Variants in PCDHA7 observed in about 807,000 individuals in gnomAD.
PCDHA7 encodes the protein protocadherin alpha-7.
In PCDHA7, 37 loss-of-function variants were observed where a neutral mutation model predicts 57.2. That is an observed-to-expected ratio of 0.65 (90% CI 0.50 to 0.85). PCDHA7 has a LOEUF of 0.85. PCDHA7 is among the 40% of genes least tolerant of loss of function. The pLI is 0.00. For missense variants in PCDHA7, 1,188 were observed against 1,241.8 expected, an observed-to-expected ratio of 0.96 and a Z score of 0.65; for synonymous variants, 553 against 558.8, an observed-to-expected ratio of 0.99 and a Z score of 0.15.
At chr5:140,916,550 A>G (rs1355799677) in intron 1 of PCDHA7, among the ~76,000 whole-genome samples, 5 of 152,052 alleles carry the variant, frequency 3.3e-5, no homozygotes, top group Admixed American at 1.3e-4. Flanking sequence ...TGGGTTTTCT[A>G]TTTGTCCAGG....
chr5:140,876,233 A>G, intron 1 of PCDHA7: 1 of 1,614,016 alleles, frequency 6.2e-7, no homozygotes, highest in Non-Finnish European at 8.5e-7. Context: ...TTGTCTGAAA[A>G]TGTCCAAAAC....
In PCDHA7 at chr5:140,834,722, G is replaced by T. The variant is rs1773225539; in HGVS notation, c.339G>T (p.Pro113=). The T allele has an allele frequency of 6.2e-7, 1 of 1,614,146 alleles. No homozygotes were observed. The highest frequency in any genetic ancestry group is 8.5e-7 in the Non-Finnish European group (1 of 1,180,056). ...SIHLEVIVER[P]LQVFHVDVEV... is the part of the protein sequence containing the mutation. ...ACCTGGAGGTGATCGTGGAAAGGCC[G>T]CTGCAGGTTTTCCATGTGGACGTGG... The change falls in exon 1 of 4, where the codon CCG becomes CCT. Residue 113 remains proline (P), a synonymous_variant. Transcript: ENST00000525929.
chr5:140,892,408 G>A (rs1323060042), intron 1 of PCDHA7, among the ~76,000 whole-genome samples: 1 of 152,054 alleles, frequency 6.6e-6, no homozygotes, highest in African/African-American at 2.4e-5. Context: ...TCAAGCTTCA[G>A]GTATTCTAGA....
intron 1 of PCDHA7, chr5:140,870,378 T>C (rs782676295): frequency 1.9e-6 from 3 of 1,614,036 alleles, no homozygotes; most frequent in African/African-American, 1.3e-5. Flanking sequence ...TGGTGGTGAC[T>C]GCGCGGGATG....
In PCDHA7 at chr5:141,011,594, T is replaced by C. The variant is rs2098421156; in HGVS notation, c.*1657T>C. 6.5e-6 allele frequency: 1 copy of C among 153,764 alleles called. No homozygotes were observed. Among genetic ancestry groups the C allele is most frequent in the East Asian group, 1.9e-4 (1 of 5,202 alleles). The allele number at this position is 153,764 out of a possible 1,614,324, so 9.5% of individuals were successfully genotyped here. On this transcript the variant is annotated 3_prime_UTR_variant, in exon 4 of 4. Coordinates refer to ENST00000525929, the MANE Select transcript of PCDHA7 (RefSeq NM_018910.3). ...TTTCTTAAATCAAGATACTGGTGAT[T>C]CAAGGAATTTTATTTATGGTCCAGC...
intron 1 of PCDHA7, among the ~76,000 whole-genome samples, chr5:140,894,100 G>C (rs1554185932): frequency 2.0e-5 from 3 of 151,990 alleles, no homozygotes; most frequent in African/African-American, 7.3e-5. Context: ...CTAGCTCCTG[G>C]TGTTGCAGAT....
intron 1 of PCDHA7, among the ~76,000 whole-genome samples, chr5:140,854,986 T>C (rs1266471979): frequency 2.0e-5 from 3 of 149,894 alleles, no homozygotes; most frequent in African/African-American, 7.3e-5. Context: ...TTAAGATTCT[T>C]TTTGCCCGTG....
intron 1 of PCDHA7, among the ~76,000 whole-genome samples, chr5:140,932,852 T>C (rs2088679496): frequency 1.3e-5 from 2 of 151,996 alleles, no homozygotes; most frequent in Non-Finnish European, 2.9e-5. Flanking sequence ...ATAATGTTAA[T>C]GACTTATTGT....
rs1195729562 is a variant in PCDHA7, at chr5:140,897,783, G to A, written c.2355+61045G>A. 1.3e-3 allele frequency among the ~76,000 whole-genome samples: 204 copies of A among 152,264 alleles called. 1 individual carries two copies. The highest frequency in any genetic ancestry group is 0.011 in the South Asian group (52 of 4,820). ...CGCCACACTGACTTCCACAATGGTTGAACTAGTTTAGAGTCCCACCAACAG... is the reference window on the plus strand; with the variant it reads ...CGCCACACTGACTTCCACAATGGTTAAACTAGTTTAGAGTCCCACCAACAG... On this transcript the variant is annotated intron_variant, in intron 1 of 3. Transcript: ENST00000525929.
intron 3 of PCDHA7, among the ~76,000 whole-genome samples, chr5:140,983,513 CTG>C (rs1165213074): frequency 6.6e-6 from 1 of 152,196 alleles, no homozygotes; most frequent in Non-Finnish European, 1.5e-5. Context: ...TGCCTAGACA[CTG>C]TGCCAAGTAC....
chr5:140,875,564 T>C (rs1327477761), intron 1 of PCDHA7: 1 of 1,614,048 alleles, frequency 6.2e-7, no homozygotes, highest in African/African-American at 1.3e-5. Flanking sequence ...AGCGGCCAGC[T>C]CCACTACTCC....
At chr5:140,907,071 C>T (rs1220660624) in intron 1 of PCDHA7, among the ~76,000 whole-genome samples, 1 of 152,156 alleles carries the variant, frequency 6.6e-6, no homozygotes, top group African/African-American at 2.4e-5. Flanking sequence ...TAGTGGGTCA[C>T]TAGGGGTGAT....
rs934481202 is a variant in PCDHA7, at chr5:140,902,279, C to A, written c.2355+65541C>A. On this transcript the variant is annotated intron_variant, in intron 1 of 3. Coordinates refer to ENST00000525929, the MANE Select transcript of PCDHA7 (RefSeq NM_018910.3). ...TCTCGAACTCCTGGGCTCAAGCAATCCTCCTGCCTCAGCCTCCCAAAGTGC... is the reference window on the plus strand; with the variant it reads ...TCTCGAACTCCTGGGCTCAAGCAATACTCCTGCCTCAGCCTCCCAAAGTGC... Among the ~76,000 whole-genome samples the A allele has an allele frequency of 2.7e-5, 4 of 148,452 alleles. No individual in the cohort carries two copies. The Admixed American group carries it at 2.7e-4, about 10-fold the overall frequency.
At chr5:140,860,225 A>C (rs2046280777) in intron 1 of PCDHA7, 1 of 151,528 alleles carries the variant, frequency 6.6e-6, no homozygotes, top group South Asian at 2.1e-4. Flanking sequence ...ATGTATATAT[A>C]AGCCAGGCAT....
chr5:141,000,468 C>T (rs2097940295), intron 3 of PCDHA7, among the ~76,000 whole-genome samples: 1 of 107,380 alleles, frequency 9.3e-6, no homozygotes, highest in Non-Finnish European at 1.8e-5. Context: ...GCTCTTGTTG[C>T]CCAAGCTGGA....
intron 3 of PCDHA7, among the ~76,000 whole-genome samples, chr5:140,999,859 C>T (rs2153959609): frequency 6.6e-6 from 1 of 152,256 alleles, no homozygotes; most frequent in South Asian, 2.1e-4. Context: ...TCTTCCGCTC[C>T]AAGATTACTG....
At position 140,853,718 on chromosome 5, in the gene PCDHA7, C is replaced by T. The variant is rs1472931739; in HGVS notation, c.2355+16980C>T. ...TGCTAACGCATTAGCATTAGCAGCA[C>T]CTAAGTCCTCATTGAATGTTCTGGT... is the stretch of plus-strand genomic sequence containing the variant. On this transcript the variant is annotated intron_variant, in intron 1 of 3. Transcript: ENST00000525929. 3 of 988,280 alleles carry T rather than the reference C, an allele frequency of 3.0e-6. No homozygotes were observed. The African/African-American group carries it at 5.3e-5, about 17-fold the overall frequency. 61.2% of individuals were successfully genotyped at this position (988,280 alleles called of 1,614,324 possible).
chr5:140,858,118 C>T (rs267600398), intron 1 of PCDHA7: 1 of 1,597,724 alleles, frequency 6.3e-7, no homozygotes, highest in East Asian at 2.2e-5. Flanking sequence ...CCGAGGTGGC[C>T]CTGGTGGATG....
intron 1 of PCDHA7, chr5:140,883,182 A>G (rs2059477264): frequency 6.2e-7 from 1 of 1,614,024 alleles, no homozygotes; most frequent in Non-Finnish European, 8.5e-7. Context: ...ATTAGGACAA[A>G]AGGCAAACTA....
Sources: gnomAD v4.1 joint callset for allele counts (sites outside exome capture counted in the v4.1 genomes callset) on GRCh38, gnomAD v4.1.1 for gene constraint, MANE v1.5 for transcripts, NCBI Gene and HGNC (gene_info 2026-07-23, HGNC 2026-07-21) for gene names.